Variants in HDAC9 observed in about 807,000 individuals in gnomAD.
The protein encoded by HDAC9 is MEF-2 interacting transcription repressor (MITR) protein.
In HDAC9, 41 loss-of-function variants were observed where a neutral mutation model predicts 139.4. The ratio of observed to expected loss-of-function variants is 0.29; its 90% CI spans 0.23 to 0.38. The LOEUF (loss-of-function observed/expected upper bound fraction) is 0.38. HDAC9 is among the 10% of genes least tolerant of loss of function. The pLI is 1.00. For missense variants in HDAC9, 1,147 were observed against 1,297.0 expected (o/e 0.88, Z 1.78); for synonymous variants, 517 against 476.2 (o/e 1.09, Z -1.12).
In HDAC9 at chr7:18,343,782, A is replaced by C. The variant is rs558709345; in HGVS notation, c.-42+53267A>C. 2.4e-3 allele frequency among the ~76,000 whole-genome samples: 364 copies of C among 151,966 alleles called. 2 individuals carry two copies. Among genetic ancestry groups the C allele is most frequent in the African/African-American group, 8.5e-3 (353 of 41,528 alleles). ...GGTACTGAACTGCATTTTCTCAAGA[A>C]AACATTATTTTCTTAGTAAATTCGC... is the stretch of plus-strand genomic sequence containing the variant. On this transcript the variant is annotated intron_variant, in intron 1 of 3. Transcript: ENST00000413509.
At chr7:18,762,607 T>G (rs1251230585) in intron 15 of HDAC9, among the ~76,000 whole-genome samples, 1 of 152,232 alleles carries the variant, frequency 6.6e-6, no homozygotes, top group Non-Finnish European at 1.5e-5. Context: ...GATTTACACA[T>G]GCTTTATGCA....
At chr7:18,160,185 A>G (rs931210605) in intron 1 of HDAC9, among the ~76,000 whole-genome samples, 4 of 152,244 alleles carry the variant, frequency 2.6e-5, no homozygotes, top group Non-Finnish European at 5.9e-5. Context: ...CACACTAACT[A>G]TGCCCTTGAT....
chr7:18,519,522 A>G (rs959613255), intron 2 of HDAC9, among the ~76,000 whole-genome samples: 25 of 152,180 alleles, frequency 1.6e-4, no homozygotes, highest in East Asian at 3.9e-4. Flanking sequence ...AAGATGATCA[A>G]TCTTTGTCAT....
chr7:18,335,026 G>A (rs1389690095), intron 1 of HDAC9, among the ~76,000 whole-genome samples: 1 of 151,466 alleles, frequency 6.6e-6, no homozygotes, highest in African/African-American at 2.4e-5. Flanking sequence ...ATTATTAGAA[G>A]AAATTAATCC....
intron 2 of HDAC9, among the ~76,000 whole-genome samples, chr7:18,565,519 C>T (rs1336077195): frequency 6.6e-6 from 1 of 151,924 alleles, no homozygotes; most frequent in Admixed American, 6.6e-5. Flanking sequence ...ATGTCCAAAA[C>T]AGTTGGAATG....
At chr7:18,550,086 A>G (rs1235451437) in intron 2 of HDAC9, among the ~76,000 whole-genome samples, 1 of 151,606 alleles carries the variant, frequency 6.6e-6, no homozygotes, top group Non-Finnish European at 1.5e-5. Context: ...TATAATTTGG[A>G]TATATAACTT....
At chr7:18,305,416 T>A (rs1798842755) in intron 1 of HDAC9, among the ~76,000 whole-genome samples, 1 of 152,214 alleles carries the variant, frequency 6.6e-6, no homozygotes, top group Non-Finnish European at 1.5e-5. Flanking sequence ...CCCCACTTTC[T>A]CGACTAATTC....
intron 2 of HDAC9, among the ~76,000 whole-genome samples, chr7:18,569,739 A>G (rs1022861259): frequency 4.6e-5 from 7 of 152,190 alleles, no homozygotes; most frequent in Non-Finnish European, 8.8e-5. Flanking sequence ...ATTTATGTAT[A>G]TGTAAAAAGT....
At chr7:18,147,751 A>G (rs949927878) in intron 1 of HDAC9, among the ~76,000 whole-genome samples, 11 of 151,784 alleles carry the variant, frequency 7.2e-5, no homozygotes, top group African/African-American at 2.4e-4. Flanking sequence ...TACCATTCCC[A>G]TTTATCTATT....
chr7:18,523,860 G>T (rs1805886873), intron 2 of HDAC9, among the ~76,000 whole-genome samples: 1 of 152,078 alleles, frequency 6.6e-6, no homozygotes, highest in Non-Finnish European at 1.5e-5. Context: ...ACAAGAGACA[G>T]ATGAGGAGAT....
intron 23 of HDAC9, among the ~76,000 whole-genome samples, chr7:18,943,325 A>G (rs1782149900): frequency 6.6e-6 from 1 of 152,084 alleles, no homozygotes. Flanking sequence ...TATATCTACA[A>G]ACTTACCTTA....
At chr7:18,836,645 A>G (rs1430391146) in intron 21 of HDAC9, among the ~76,000 whole-genome samples, 2 of 152,174 alleles carry the variant, frequency 1.3e-5, no homozygotes, top group African/African-American at 4.8e-5. Flanking sequence ...ATTAATATAA[A>G]TAAGAAAAAG....
At chr7:18,422,560 A>G (rs947019077) in intron 1 of HDAC9, among the ~76,000 whole-genome samples, 2 of 152,172 alleles carry the variant, frequency 1.3e-5, no homozygotes, top group African/African-American at 4.8e-5. Flanking sequence ...GGCAAGAATG[A>G]GGCATTGATT....
At chr7:18,622,656 G>C (rs1277331680) in intron 6 of HDAC9, among the ~76,000 whole-genome samples, 1 of 151,030 alleles carries the variant, frequency 6.6e-6, no homozygotes, top group Non-Finnish European at 1.5e-5. Context: ...ACTCAATCTT[G>C]GTTAATAATT....
chr7:18,735,871 G>C (rs945549330), intron 13 of HDAC9, among the ~76,000 whole-genome samples: 9 of 152,220 alleles, frequency 5.9e-5, no homozygotes, highest in African/African-American at 2.2e-4. Context: ...CATGAGCATA[G>C]AAAGGTTTTC....
chr7:18,192,292 A>G (rs1790403976), intron 2 of HDAC9, among the ~76,000 whole-genome samples: 1 of 152,188 alleles, frequency 6.6e-6, no homozygotes, highest in Admixed American at 6.5e-5. Context: ...ATTAAGATTG[A>G]TGTGGCTTGC....
chr7:18,459,406 A>T (rs1563009290), intron 1 of HDAC9, among the ~76,000 whole-genome samples: 1 of 152,200 alleles, frequency 6.6e-6, no homozygotes, highest in African/African-American at 2.4e-5. Flanking sequence ...TTTTCTACAA[A>T]AATGGTGAGT....
At chr7:18,145,772 G>T (rs17345681) in intron 1 of HDAC9, among the ~76,000 whole-genome samples, 2 of 152,106 alleles carry the variant, frequency 1.3e-5, no homozygotes, top group African/African-American at 4.8e-5. Context: ...GTTGTATTCA[G>T]ATACCGGTGA....
chr7:18,147,967 C>T (rs990940566), intron 1 of HDAC9, among the ~76,000 whole-genome samples: 2 of 152,106 alleles, frequency 1.3e-5, no homozygotes, highest in African/African-American at 2.4e-5. Flanking sequence ...ATATAAACTG[C>T]TACAGTTTTC....
Sources: allele counts gnomAD v4.1 joint callset (sites outside exome capture counted in the v4.1 genomes callset), GRCh38; gene constraint gnomAD v4.1.1; transcripts MANE v1.5; gene names NCBI Gene and HGNC (gene_info 2026-07-23, HGNC 2026-07-21).